The following CDK14 variants were observed in gnomAD, a reference collection of about 807,000 sequenced individuals.
CDK14 encodes cyclin dependent kinase 14, also known as cyclin-dependent kinase 14.
Under a neutral mutation model 60.7 loss-of-function variants are expected in CDK14, and 34 were observed. The ratio of observed to expected loss-of-function variants is 0.56; its 90% CI spans 0.43 to 0.75. The LOEUF is 0.75. Ranked by LOEUF, CDK14 falls within the 30% of genes least tolerant of loss-of-function variation. The pLI is 0.00. For synonymous variants in CDK14, 197 were observed against 203.7 expected (o/e 0.97, Z 0.28); for missense variants, 482 against 564.1 (o/e 0.85, Z 1.47).
chr7:91,127,058 A>C (rs986156753), intron 14 of CDK14, among the ~76,000 whole-genome samples: 2 of 152,128 alleles, frequency 1.3e-5, no homozygotes, highest in Admixed American at 1.3e-4. Flanking sequence ...CTCTCGGCTC[A>C]TTAGCAAGTT....
intron 5 of CDK14, among the ~76,000 whole-genome samples, chr7:90,837,402 C>T (rs922612795): frequency 2.0e-5 from 3 of 151,812 alleles, no homozygotes; most frequent in African/African-American, 7.3e-5. Flanking sequence ...GTTATCCTGC[C>T]TCAGCCTCCC....
chr7:91,186,406 G>A (rs1242823381), intron 14 of CDK14, among the ~76,000 whole-genome samples: 4 of 149,574 alleles, frequency 2.7e-5, no homozygotes, highest in East Asian at 3.9e-4. Context: ...TCCAATTTGG[G>A]GCTGTTATGA....
chr7:91,030,931 G>A (rs1315987501), intron 10 of CDK14, among the ~76,000 whole-genome samples: 5 of 152,196 alleles, frequency 3.3e-5, no homozygotes, highest in African/African-American at 4.8e-5. Context: ...AAGAAAACAG[G>A]AGCCTTGTCC....
chr7:90,922,834 CT>C (rs1348770363), intron 8 of CDK14, among the ~76,000 whole-genome samples: 2 of 151,926 alleles, frequency 1.3e-5, no homozygotes, highest in Non-Finnish European at 2.9e-5. Context: ...AGCATTTTTC[CT>C]TTTAGATAAA....
In CDK14 at chr7:91,098,701, A is replaced by T. The variant is rs1315487649; in HGVS notation, c.1155-13841A>T. On this transcript the variant is annotated intron_variant, in intron 12 of 14. Transcript: ENST00000380050. ...AACATGTGAAGAAAGAGTTCTGTGG[A>T]ATGTTAACTGCTCTGCTATTTTTCT... Among the ~76,000 whole-genome samples, 3 of 152,104 alleles carry T rather than the reference A, an allele frequency of 2.0e-5. No homozygotes were observed. In the East Asian group the frequency reaches 5.8e-4, roughly 29 times the overall value.
intron 14 of CDK14, among the ~76,000 whole-genome samples, chr7:91,173,817 G>A (rs1801618849): frequency 6.6e-6 from 1 of 152,280 alleles, no homozygotes; most frequent in East Asian, 1.9e-4. Context: ...CGCCCACGGA[G>A]TCTCGCTGAT....
intron 14 of CDK14, among the ~76,000 whole-genome samples, chr7:91,123,127 T>A (rs967478517): frequency 1.1e-4 from 16 of 152,206 alleles, no homozygotes; most frequent in Non-Finnish European, 2.4e-4. Flanking sequence ...TTGTATGATA[T>A]TTTTAACTAT....
At chr7:90,707,309 C>A (rs1423221085) in intron 2 of CDK14, among the ~76,000 whole-genome samples, 1 of 152,114 alleles carries the variant, frequency 6.6e-6, no homozygotes, top group East Asian at 1.9e-4. Flanking sequence ...TTTCCATAGA[C>A]TTCATGTCCA....
At chr7:90,787,757 A>T (rs1252196579) in intron 4 of CDK14, among the ~76,000 whole-genome samples, 3 of 152,208 alleles carry the variant, frequency 2.0e-5, no homozygotes, top group Non-Finnish European at 1.5e-5. Flanking sequence ...AACTGTTGAG[A>T]TGATCATAAC....
At chr7:91,103,631 T>G (rs1239120662) in intron 12 of CDK14, among the ~76,000 whole-genome samples, 3 of 152,170 alleles carry the variant, frequency 2.0e-5, no homozygotes, top group Non-Finnish European at 4.4e-5. Flanking sequence ...CTTCCCAGAT[T>G]GGAGGATATG....
At chr7:91,063,394 C>A (rs566127448) in intron 11 of CDK14, among the ~76,000 whole-genome samples, 1 of 152,194 alleles carries the variant, frequency 6.6e-6, no homozygotes, top group East Asian at 1.9e-4. Context: ...ACTAATTATT[C>A]GCTCCGGCGT....
intron 10 of CDK14, among the ~76,000 whole-genome samples, chr7:91,023,947 A>G (rs1038761520): frequency 6.6e-6 from 1 of 151,964 alleles, no homozygotes; most frequent in Non-Finnish European, 1.5e-5. Context: ...AAATTTTTGT[A>G]TTTTTAGTGG....
At chr7:91,165,729 G>A (rs1481440337) in intron 14 of CDK14, among the ~76,000 whole-genome samples, 1 of 152,182 alleles carries the variant, frequency 6.6e-6, no homozygotes, top group African/African-American at 2.4e-5. Context: ...GAAAGGGGAA[G>A]TAAGAATGTC....
At chr7:90,788,478 G>C (rs187989750) in intron 4 of CDK14, among the ~76,000 whole-genome samples, 2 of 152,272 alleles carry the variant, frequency 1.3e-5, no homozygotes, top group African/African-American at 4.8e-5. Context: ...AGAAGAAGTT[G>C]CAGAACAGAA....
intron 3 of CDK14, among the ~76,000 whole-genome samples, chr7:90,744,909 A>G (rs1008697752): frequency 1.3e-5 from 2 of 151,798 alleles, no homozygotes; most frequent in Non-Finnish European, 2.9e-5. Flanking sequence ...CCTCAACTTT[A>G]TTCTTATTTT....
chr7:90,915,976 G>A (rs1306288246), intron 7 of CDK14, among the ~76,000 whole-genome samples: 1 of 152,172 alleles, frequency 6.6e-6, no homozygotes, highest in Non-Finnish European at 1.5e-5. Flanking sequence ...AGATCAGGTA[G>A]CATTTTGCAG....
intron 14 of CDK14, among the ~76,000 whole-genome samples, chr7:91,135,988 C>CTT (rs1281245518): frequency 6.6e-6 from 1 of 151,940 alleles, no homozygotes; most frequent in Admixed American, 6.6e-5. Flanking sequence ...CAGAAGAGAC[C>CTT]TTTGTGTACT....
intron 2 of CDK14, among the ~76,000 whole-genome samples, chr7:90,723,057 C>T (rs946655628): frequency 6.6e-6 from 1 of 152,142 alleles, no homozygotes; most frequent in Non-Finnish European, 1.5e-5. Flanking sequence ...AGTTTCTCAG[C>T]ATTAAGTATG....
intron 2 of CDK14, among the ~76,000 whole-genome samples, chr7:90,624,125 A>ATT (rs1289230548): frequency 6.6e-6 from 1 of 152,178 alleles, no homozygotes; most frequent in Admixed American, 6.5e-5. Context: ...TGGAAATTGT[A>ATT]CTCAGGGAAG....
Sources: allele counts gnomAD v4.1 joint callset (sites outside exome capture counted in the v4.1 genomes callset), GRCh38; gene constraint gnomAD v4.1.1; transcripts MANE v1.5; gene names NCBI Gene and HGNC (gene_info 2026-07-23, HGNC 2026-07-21).